The following PAMR1 variants were observed in gnomAD, a reference collection of about 807,000 sequenced individuals.
The protein encoded by PAMR1 is inactive serine protease PAMR1.
PAMR1 carries 88 observed loss-of-function variants against 81.8 expected under a neutral mutation model. The ratio of observed to expected loss-of-function variants is 1.08; its 90% CI spans 0.91 to 1.28. The LOEUF (loss-of-function observed/expected upper bound fraction) is 1.28, where lower values mean the gene tolerates loss of function less well. Among genes scored for constraint, PAMR1 ranks in the 50% most tolerant of loss-of-function variants. The probability of loss-of-function intolerance (pLI) is 0.00; values close to 1 mark genes in which losing one functional copy is unlikely to be tolerated. For synonymous variants in PAMR1, 336 were observed against 345.3 expected, an observed-to-expected ratio of 0.97 and a Z score of 0.30; for missense variants, 935 against 919.7, an observed-to-expected ratio of 1.02 and a Z score of -0.21.
chr11:35,453,695 T>C (rs538863632), intron 6 of PAMR1, among the ~76,000 whole-genome samples: 1 of 152,348 alleles, frequency 6.6e-6, no homozygotes, highest in African/African-American at 2.4e-5. Flanking sequence ...TGTCTCGCCA[T>C]TGAACTGATT....
At chr11:35,467,615 G>A (rs764064312) in intron 6 of PAMR1, among the ~76,000 whole-genome samples, 1 of 152,122 alleles carries the variant, frequency 6.6e-6, no homozygotes, top group Non-Finnish European at 1.5e-5. Flanking sequence ...AAGTCACATT[G>A]GAGCCTGTGA....
At chr11:35,465,264 T>G (rs1298522672) in intron 6 of PAMR1, among the ~76,000 whole-genome samples, 1 of 152,160 alleles carries the variant, frequency 6.6e-6, no homozygotes, top group African/African-American at 2.4e-5. Flanking sequence ...ACTGCATAAA[T>G]GAAAGATTTC....
chr11:35,517,424 T>C (rs1851185523), intron 1 of PAMR1, among the ~76,000 whole-genome samples: 1 of 152,240 alleles, frequency 6.6e-6, no homozygotes, highest in South Asian at 2.1e-4. Context: ...TCCTCTGTAA[T>C]GGTGAGATAT....
chr11:35,520,397 G>A (rs1851249588), intron 1 of PAMR1, among the ~76,000 whole-genome samples: 2 of 152,208 alleles, frequency 1.3e-5, no homozygotes, highest in South Asian at 4.1e-4. Flanking sequence ...GAGATCTGGT[G>A]TGTCCTGAAT....
intron 8 of PAMR1, 129 bp from the exon 9 acceptor site, chr11:35,436,264 T>C: frequency 1.6e-6 from 1 of 630,040 alleles, no homozygotes; most frequent in South Asian, 1.9e-5. Flanking sequence ...TGTCTCTGTC[T>C]CTCTCTATCT....
At chr11:35,439,241 C>T (rs930422357) in intron 8 of PAMR1, among the ~76,000 whole-genome samples, 1 of 152,216 alleles carries the variant, frequency 6.6e-6, no homozygotes, top group Non-Finnish European at 1.5e-5. Context: ...CCAAGCATAT[C>T]TTCCTAAATT....
At chr11:35,454,030 CTTATTT>C (rs2135358484) in intron 6 of PAMR1, among the ~76,000 whole-genome samples, 1 of 152,246 alleles carries the variant, frequency 6.6e-6, no homozygotes, top group South Asian at 2.1e-4. Context: ...AAAGACCTTT[CTTATTT>C]TTGTTTTTTT....
chr11:35,454,350 G>A (rs1442283187), intron 6 of PAMR1, among the ~76,000 whole-genome samples: 1 of 152,190 alleles, frequency 6.6e-6, no homozygotes, highest in African/African-American at 2.4e-5. Flanking sequence ...AGGGTTGCCT[G>A]TAGGCAATGA....
At chr11:35,483,323 G>C (rs1325021712) in intron 3 of PAMR1, among the ~76,000 whole-genome samples, 2 of 152,192 alleles carry the variant, frequency 1.3e-5, no homozygotes, top group Admixed American at 6.5e-5. Context: ...GTGAGCCCAT[G>C]AGACTGTGAG....
intron 6 of PAMR1, among the ~76,000 whole-genome samples, chr11:35,463,958 T>C (rs1856711395): frequency 6.6e-6 from 1 of 152,196 alleles, no homozygotes; most frequent in African/African-American, 2.4e-5. Flanking sequence ...TTGACAAGGA[T>C]GGATCCTAGT....
intron 10 of PAMR1, 117 bp downstream of exon 10, chr11:35,434,395 G>A (rs1264914384): frequency 5.3e-6 from 5 of 946,468 alleles, no homozygotes; most frequent in Non-Finnish European, 8.1e-6. Context: ...TATATGCGAG[G>A]CTCTGGGCTG....
intron 3 of PAMR1, among the ~76,000 whole-genome samples, chr11:35,490,266 T>C (rs151053824): frequency 6.6e-6 from 1 of 152,270 alleles, no homozygotes; most frequent in African/African-American, 2.4e-5. Context: ...CAAGCTGAGA[T>C]TTGGGTGGGG....
At chr11:35,462,582 C>T (rs1237940383) in intron 6 of PAMR1, among the ~76,000 whole-genome samples, 1 of 152,166 alleles carries the variant, frequency 6.6e-6, no homozygotes, top group Non-Finnish European at 1.5e-5. Flanking sequence ...GCCCTAGTCC[C>T]TTATCCAGGG....
intron 4 of PAMR1, among the ~76,000 whole-genome samples, 197 bp downstream of exon 4, chr11:35,474,433 C>T (rs979783591): frequency 6.6e-6 from 1 of 152,112 alleles, no homozygotes; most frequent in African/African-American, 2.4e-5. Context: ...CATCTGAGCC[C>T]CACGGTTCTA....
At chr11:35,528,474 T>C (rs1028848190), upstream of PAMR1, among the ~76,000 whole-genome samples, 1 of 152,264 alleles carries the variant, frequency 6.6e-6, no homozygotes, top group Non-Finnish European at 1.5e-5. Flanking sequence ...AAATTTATTG[T>C]TCTTTTTAAA....
At chr11:35,505,315 T>C (rs1428004545) in intron 1 of PAMR1, among the ~76,000 whole-genome samples, 4 of 152,132 alleles carry the variant, frequency 2.6e-5, no homozygotes, top group Non-Finnish European at 4.4e-5. Context: ...GTGTATTCTG[T>C]AGCAACTGGG....
chr11:35,436,981 G>A (rs1010666273), intron 8 of PAMR1, among the ~76,000 whole-genome samples: 3 of 152,142 alleles, frequency 2.0e-5, no homozygotes, highest in African/African-American at 7.2e-5. Context: ...AAACTGTGTT[G>A]ATACAGTAGC....
At chr11:35,471,510 A>G (rs1850185706) in intron 4 of PAMR1, among the ~76,000 whole-genome samples, 1 of 152,194 alleles carries the variant, frequency 6.6e-6, no homozygotes, top group South Asian at 2.1e-4. Context: ...GAAAACAACA[A>G]CAACAACAAA....
intron 9 of PAMR1, 45 bp downstream of exon 9, chr11:35,435,858 T>G (rs767121585): frequency 2.8e-6 from 4 of 1,408,510 alleles, no homozygotes; most frequent in Non-Finnish European, 4.0e-6. Context: ...CAGGCAGTCA[T>G]GAAAGATTGA....
Sources: allele counts gnomAD v4.1 joint callset (sites outside exome capture counted in the v4.1 genomes callset), GRCh38; gene constraint gnomAD v4.1.1; transcripts MANE v1.5; gene names NCBI Gene and HGNC (gene_info 2026-07-23, HGNC 2026-07-21).